The following ITIH3 variants were observed in gnomAD, a reference collection of about 807,000 sequenced individuals.
The protein encoded by ITIH3 is inter-alpha-trypsin inhibitor heavy chain H3.
In ITIH3, 81 loss-of-function variants were observed where a neutral mutation model predicts 96.5. That is an observed-to-expected ratio of 0.84 (90% CI 0.70 to 1.01). ITIH3 has a LOEUF of 1.01. Among genes scored for constraint, ITIH3 ranks in the 50% least tolerant of loss-of-function variants. ITIH3 has a pLI of 0.00. For synonymous variants in ITIH3, 422 were observed against 445.2 expected, an observed-to-expected ratio of 0.95 and a Z score of 0.66; for missense variants, 1,057 against 1,139.3, an observed-to-expected ratio of 0.93 and a Z score of 1.04.
Position 52,808,756 on chromosome 3 carries a change from C to G in ITIH3, c.*75C>G. The G allele has an allele frequency of 6.4e-7, 1 of 1,552,216 alleles. No individual in the cohort carries two copies. ...CTGGAACATGGGCACAGAGAGGGGCCTGTGGGAGGGGCTGGGAAAATAAAG... is the reference window on the plus strand; with the variant it reads ...CTGGAACATGGGCACAGAGAGGGGCGTGTGGGAGGGGCTGGGAAAATAAAG... On this transcript the variant is annotated 3_prime_UTR_variant, in exon 22 of 22. Coordinates refer to ENST00000449956, the MANE Select transcript of ITIH3 (RefSeq NM_002217.4).
At chr3:52,803,596 G>A (rs1235451429) in intron 13 of ITIH3, among the ~76,000 whole-genome samples, 1 of 152,208 alleles carries the variant, frequency 6.6e-6, no homozygotes, top group African/African-American at 2.4e-5. Flanking sequence ...TGGGATTACA[G>A]GCGTGAGCCA....
intron 10 of ITIH3, 131 bp from the exon 11 acceptor site, chr3:52,800,834 C>A: frequency 6.8e-7 from 1 of 1,465,278 alleles, no homozygotes; most frequent in African/African-American, 1.4e-5. Context: ...TCTCCACCAC[C>A]TGCCCCACAA....
rs1010560815 is a variant in ITIH3, at chr3:52,795,748, C to T, written c.114+125C>T. On this transcript the variant is annotated intron_variant, in intron 2 of 21. Transcript: ENST00000449956. Reference sequence around the variant, plus strand: ...CAGCTGGCAAACAGCTTACGGCCCTCTGCCCTGGCAGCCTCCAACAGCGCA... The same window carrying T: ...CAGCTGGCAAACAGCTTACGGCCCTTTGCCCTGGCAGCCTCCAACAGCGCA... 8.6e-6 allele frequency: 8 copies of T among 926,092 alleles called. No individual in the cohort carries two copies. In the Admixed American group the frequency reaches 1.9e-4, roughly 22 times the overall value. 57.4% of individuals were successfully genotyped at this position (926,092 alleles called of 1,614,324 possible).
intron 17 of ITIH3, 43 bp from the exon 18 acceptor site, chr3:52,806,250 T>G: frequency 6.2e-7 from 1 of 1,603,418 alleles, no homozygotes; most frequent in South Asian, 1.1e-5. Flanking sequence ...CCAGGTATGA[T>G]GAGAGGCCCC....
At position 52,806,155 on chromosome 3, in the gene ITIH3, T is replaced by G; in HGVS notation, c.1942+17T>G. The G allele has an allele frequency of 6.2e-7, 1 of 1,601,328 alleles. No individual in the cohort carries two copies. The highest frequency in any genetic ancestry group is 2.3e-5 in the East Asian group (1 of 44,242). The stretch of plus-strand genomic sequence containing the variant: ...ACTACTATGGTGAGTCCCTGGCTGC[T>G]CCTCGGGAAGGCTCAGGGGCCTGGG... On this transcript the variant is annotated intron_variant, in intron 17 of 21. Transcript: ENST00000449956.
At chr3:52,800,736 C>A (rs1699799590) in intron 10 of ITIH3, 73 bp downstream of exon 10, 5 of 1,557,562 alleles carry the variant, frequency 3.2e-6, no homozygotes, top group Non-Finnish European at 4.3e-6. Flanking sequence ...GTAGCTGGCT[C>A]ATTGGAAAAC....
rs545945863 is a variant in ITIH3, at chr3:52,802,827, C to A, written c.1709+21C>A. On this transcript the variant is annotated intron_variant, in intron 13 of 21. Transcript: ENST00000449956. ...AAGCGGTGAGCAGAGTCCCAGCCCC[C>A]ACCTGTGCCTACCCCTGGCTGGGCT... 25 of 1,613,006 alleles carry A rather than the reference C, an allele frequency of 1.5e-5. No individual in the cohort carries two copies. In the East Asian group the frequency reaches 1.8e-4, roughly 12 times the overall value.
In ITIH3 at chr3:52,797,212, G is replaced by A; in HGVS notation, c.494G>A (p.Gly165Asp). 6.2e-7 allele frequency: 1 copy of A among 1,608,062 alleles called. No homozygotes were observed. Among genetic ancestry groups the A allele is most frequent in the Non-Finnish European group, 8.5e-7 (1 of 1,177,476 alleles). Residue 165 changes from glycine to aspartate, a missense_variant, in exon 5 of 22, where the codon GGC becomes GAC. Transcript: ENST00000449956. ...TYEELLKRHKGKYEMYLKVQP... is the reference protein window; with the variant it reads ...TYEELLKRHKDKYEMYLKVQP... ...GAGGAGCTGCTGAAGAGGCACAAGG[G>A]CAAGTACGAGATGTACCTCAAGGTC...
At chr3:52,794,971 TGAGTG>T (rs1312286735) in intron 1 of ITIH3, 75 bp downstream of exon 1, 1 of 1,205,582 alleles carries the variant, frequency 8.3e-7, no homozygotes, top group Non-Finnish European at 1.2e-6. Flanking sequence ...GCAAGGCCTC[TGAGTG>T]GAGTGAAGAG....
At chr3:52,796,718 C>T (rs781614009) in intron 3 of ITIH3, 21 bp from the exon 4 acceptor site, 15 of 1,607,926 alleles carry the variant, frequency 9.3e-6, no homozygotes, top group Middle Eastern at 3.3e-4. Flanking sequence ...TCTCCCTACC[C>T]CCAACTCTCT....
Position 52,802,441 on chromosome 3 carries a change from T to C in ITIH3, c.1491T>C (p.Asp497=). Residue 497 remains aspartate, a synonymous_variant, in exon 12 of 22, where the codon GAT becomes GAC. Coordinates refer to ENST00000449956, the MANE Select transcript of ITIH3 (RefSeq NM_002217.4). ...AGAACACTTACCAGCACTTCTACGA[T>C]GGCTCTGAGATCGTGGTGGCCGGGC... ...LTQNTYQHFY[D]GSEIVVAGRL... 6.2e-7 allele frequency: 1 copy of C among 1,613,938 alleles called. No individual in the cohort carries two copies. Among genetic ancestry groups the C allele is most frequent in the Non-Finnish European group, 8.5e-7 (1 of 1,179,870 alleles).
At chr3:52,800,504 C>T (rs1372062766) in intron 9 of ITIH3, 34 bp from the exon 10 acceptor site, 8 of 1,550,160 alleles carry the variant, frequency 5.2e-6, no homozygotes, top group Non-Finnish European at 7.0e-6. Flanking sequence ...ACCCTGAGGA[C>T]ACCCTCCCAC....
In ITIH3 at chr3:52,803,870, CGAG is replaced by C. The variant is rs759724271; in HGVS notation, c.1729_1731del (p.Glu577del). On this transcript the variant is annotated inframe_deletion, in exon 14 of 22. Transcript: ENST00000449956. Reference sequence around the variant, plus strand: ...CTCCTCACAGCAAGAACGCCCATGGCGAGGAGAAGGAGAACCTCACGGCCCGGG... The same window carrying C: ...CTCCTCACAGCAAGAACGCCCATGGCGAGAAGGAGAACCTCACGGCCCGGG... 6.2e-7 allele frequency: 1 copy of C among 1,613,930 alleles called. No individual in the cohort carries two copies. Among genetic ancestry groups the C allele is most frequent in the South Asian group, 1.1e-5 (1 of 91,062 alleles).
At chr3:52,804,333 C>T in intron 14 of ITIH3, 1 of 438,370 alleles carries the variant, frequency 2.3e-6, no homozygotes. Flanking sequence ...GCACTTCCAA[C>T]ATGAAAGGCC....
Position 52,808,550 on chromosome 3 carries a change from A to C in ITIH3, c.2544-2A>C. The C allele has an allele frequency of 6.2e-7, 1 of 1,613,148 alleles. No homozygotes were observed. The highest frequency in any genetic ancestry group is 8.5e-7 in the Non-Finnish European group (1 of 1,179,228). On this transcript the variant is annotated splice_acceptor_variant, in intron 21 of 21. Coordinates refer to ENST00000449956, the MANE Select transcript of ITIH3 (RefSeq NM_002217.4). LOFTEE classifies it high-confidence loss of function. The stretch of plus-strand genomic sequence containing the variant: ...ATTGCAGCATCTCTCTTCTTTCCCC[A>C]GGGGCTCCCAGAAAGACTACAGAAA...
chr3:52,802,944 A>G, intron 13 of ITIH3, 138 bp downstream of exon 13: 1 of 1,010,472 alleles, frequency 9.9e-7, no homozygotes, highest in Admixed American at 2.6e-5. Context: ...TCTGTAAGGA[A>G]CCCCAGGCCG....
At chr3:52,795,379 C>T (rs1274071486) in intron 1 of ITIH3, among the ~76,000 whole-genome samples, 1 of 152,184 alleles carries the variant, frequency 6.6e-6, no homozygotes, top group Non-Finnish European at 1.5e-5. Context: ...CTCCTGGTAA[C>T]CTGGATACCT....
At chr3:52,795,501 A>C (rs1358273851) in intron 1 of ITIH3, 102 bp from the exon 2 acceptor site, 2 of 1,267,936 alleles carry the variant, frequency 1.6e-6, no homozygotes, top group Non-Finnish European at 2.2e-6. Flanking sequence ...GGGGCAGGGC[A>C]CCACTGAACC....
chr3:52,801,170 C>T lies in ITIH3; in HGVS notation c.1383+24C>T, dbSNP rs58253432. On this transcript the variant is annotated intron_variant, in intron 11 of 21. Transcript: ENST00000449956. ...AGGTATGCCTTGTCTTGCACACTTC[C>T]GGGCATAAGGAGCTCACTACTTCCT... 5.4e-4 allele frequency: 825 copies of T among 1,529,376 alleles called. 8 individuals are homozygous for T. In the East Asian group the frequency reaches 0.014, roughly 26 times the overall value. 94.7% of individuals were successfully genotyped at this position (1,529,376 alleles called of 1,614,324 possible). A position where few individuals can be genotyped will look rare whatever the true frequency, so the allele number is the denominator to read the frequency against.
Sources: allele counts gnomAD v4.1 joint callset (sites outside exome capture counted in the v4.1 genomes callset), GRCh38; gene constraint gnomAD v4.1.1; transcripts MANE v1.5; gene names NCBI Gene and HGNC (gene_info 2026-07-23, HGNC 2026-07-21).